Variants in DCDC1 observed in about 807,000 individuals in gnomAD.
The protein encoded by DCDC1 is doublecortin domain containing 1.
DCDC1 carries 200 observed loss-of-function variants against 178.3 expected under a neutral mutation model. The ratio of observed to expected loss-of-function variants is 1.12; its 90% confidence interval spans 1.00 to 1.26. The LOEUF (loss-of-function observed/expected upper bound fraction) is 1.26, where lower values mean the gene tolerates loss of function less well. Among genes scored for constraint, DCDC1 ranks in the 50% most tolerant of loss-of-function variants. The pLI is 0.00. For missense variants in DCDC1, 1,983 were observed against 1,749.2 expected (o/e 1.13, Z -2.38); for synonymous variants, 690 against 604.8 (o/e 1.14, Z -2.07).
intron 20 of DCDC1, among the ~76,000 whole-genome samples, chr11:31,051,100 G>C (rs544690483): frequency 1.2e-4 from 19 of 152,220 alleles, no homozygotes; most frequent in African/African-American, 4.3e-4. Flanking sequence ...GAAGTGAAGG[G>C]AGAAATATTC....
chr11:30,914,636 A>C (rs1408305150), intron 27 of DCDC1, among the ~76,000 whole-genome samples: 2 of 140,278 alleles, frequency 1.4e-5, no homozygotes, highest in African/African-American at 5.9e-5. Context: ...TGCACCCAAA[A>C]AAAAAAAAAA....
chr11:31,050,233 T>C (rs1201615293), intron 20 of DCDC1, among the ~76,000 whole-genome samples: 1 of 151,986 alleles, frequency 6.6e-6, no homozygotes, highest in African/African-American at 2.4e-5. Context: ...CTGCCCGCTT[T>C]CCTCCACTTC....
Position 30,905,011 on chromosome 11 carries a change from C to A in DCDC1, c.4258G>T (p.Gly1420Trp). The change falls in exon 31 of 39, where the codon GGG (glycine) becomes TGG (tryptophan). Residue 1420 changes from glycine to tryptophan, a missense_variant. Physicochemically the swap from Gly to Trp is radical, Grantham distance 184. Coordinates refer to ENST00000684477, the MANE Select transcript of DCDC1 (RefSeq NM_001387274.1). ...KAVKIIAYKNGDGYRNGKLIV... is the reference protein window; with the variant it reads ...KAVKIIAYKNWDGYRNGKLIV... ...AACTTCCCATTACGATACCCATCCC[C>A]ATTTTTGTATGCAATTATTTTCACT... The A allele has an allele frequency of 6.2e-7, 1 of 1,613,866 alleles. No individual in the cohort carries two copies. Among genetic ancestry groups the A allele is most frequent in the Non-Finnish European group, 8.5e-7 (1 of 1,179,786 alleles).
intron 7 of DCDC1, among the ~76,000 whole-genome samples, chr11:31,267,781 G>A (rs1271737309): frequency 6.6e-6 from 1 of 152,208 alleles, no homozygotes; most frequent in Non-Finnish European, 1.5e-5. Flanking sequence ...ATAAACTGGA[G>A]TTTGTCTGTG....
chr11:31,025,739 A>G (rs1408416986), intron 20 of DCDC1, among the ~76,000 whole-genome samples: 2 of 151,836 alleles, frequency 1.3e-5, no homozygotes, highest in Non-Finnish European at 3.0e-5. Context: ...AGGTCATAAA[A>G]ATGAAAAGTT....
intron 20 of DCDC1, among the ~76,000 whole-genome samples, chr11:30,969,630 G>C (rs1011327767): frequency 6.6e-6 from 1 of 152,154 alleles, no homozygotes; most frequent in Admixed American, 6.5e-5. Context: ...AACAGTAATT[G>C]CTTCTTTGCT....
Position 31,094,177 on chromosome 11 carries a change from G to C in DCDC1, c.1991C>G (p.Pro664Arg), listed in dbSNP as rs1023903397. 5 of 765,796 alleles carry C rather than the reference G, an allele frequency of 6.5e-6. No individual in the cohort carries two copies. The highest frequency in any genetic ancestry group is 1.2e-5 in the Non-Finnish European group (5 of 417,716). 47.4% of individuals were successfully genotyped at this position (765,796 alleles called of 1,614,324 possible). ...ENHFLQNKVD[P>R]NIVLHASVSI... ...AACAGAGGCATGAAGGACAATATTG[G>C]GATCTACCTGTATCATAAGAAGAAG... The change falls in exon 16 of 39, where the codon CCC becomes CGC. Residue 664 changes from proline to arginine, a missense_variant. Transcript: ENST00000684477.
At chr11:31,289,290 T>C (rs1032180041) in intron 7 of DCDC1, among the ~76,000 whole-genome samples, 5 of 152,150 alleles carry the variant, frequency 3.3e-5, no homozygotes, top group Non-Finnish European at 5.9e-5. Context: ...AATGACTGCA[T>C]TTTAACAGTC....
Position 31,113,361 on chromosome 11 carries a change from A to G in DCDC1, c.1486-3000T>C, listed in dbSNP as rs187229729. ...ACGTGCATGTTTGTTACATATGTATACATGTGCCATGTTGGTGTGCTGCAC... is the reference window on the plus strand; with the variant it reads ...ACGTGCATGTTTGTTACATATGTATGCATGTGCCATGTTGGTGTGCTGCAC... On this transcript the variant is annotated intron_variant, in intron 11 of 38. Coordinates refer to ENST00000684477, the MANE Select transcript of DCDC1 (RefSeq NM_001387274.1). Among the ~76,000 whole-genome samples the G allele has an allele frequency of 5.8e-4, 88 of 152,212 alleles. 1 individual carries two copies. Among genetic ancestry groups the G allele is most frequent in the African/African-American group, 1.9e-3 (79 of 41,548 alleles).
chr11:31,361,784 A>C (rs1258508142), intron 1 of DCDC1, among the ~76,000 whole-genome samples: 4 of 152,138 alleles, frequency 2.6e-5, no homozygotes, highest in Admixed American at 2.6e-4. Context: ...CCCAGCCCCT[A>C]ATCATTTAAA....
intron 11 of DCDC1, among the ~76,000 whole-genome samples, chr11:31,125,788 G>A (rs190930648): frequency 6.6e-6 from 1 of 152,120 alleles, no homozygotes; most frequent in Non-Finnish European, 1.5e-5. Context: ...GCGGTTGGGT[G>A]GGGGGTAGAG....
chr11:31,288,085 A>T (rs1027157567), intron 7 of DCDC1, among the ~76,000 whole-genome samples: 1 of 151,994 alleles, frequency 6.6e-6, no homozygotes, highest in African/African-American at 2.4e-5. Flanking sequence ...GCTATCTTGA[A>T]TAATAAAATA....
intron 9 of DCDC1, among the ~76,000 whole-genome samples, chr11:31,213,773 G>A (rs2136584405): frequency 1.3e-5 from 2 of 149,924 alleles, no homozygotes; most frequent in Non-Finnish European, 1.5e-5. Flanking sequence ...GACATGTAAA[G>A]AGGTCCATGA....
At chr11:30,869,465 C>T (rs1487962544) in intron 38 of DCDC1, among the ~76,000 whole-genome samples, 1 of 152,200 alleles carries the variant, frequency 6.6e-6, no homozygotes, top group Admixed American at 6.5e-5. Flanking sequence ...AACAAATATT[C>T]ATGAACGCCT....
chr11:30,869,581 T>A (rs1941341925), intron 38 of DCDC1, among the ~76,000 whole-genome samples: 1 of 152,070 alleles, frequency 6.6e-6, no homozygotes. Context: ...CAGTGGTAAG[T>A]CCTACAAGGG....
rs936511234 is a variant in DCDC1 at position 31,069,418 on chromosome 11, C to G, written c.2299-4265G>C. Among the ~76,000 whole-genome samples, 9 of 152,148 alleles carry G rather than the reference C, an allele frequency of 5.9e-5. No homozygotes were observed. The South Asian group carries it at 6.2e-4, about 11-fold the overall frequency. On this transcript the variant is annotated intron_variant, in intron 18 of 38. Coordinates refer to ENST00000684477, the MANE Select transcript of DCDC1 (RefSeq NM_001387274.1). ...ATGTCAGTTCTTATTGTCTTAGGTACATTCAAGACAATTCAACTGAAAAGA... is the reference window on the plus strand; with the variant it reads ...ATGTCAGTTCTTATTGTCTTAGGTAGATTCAAGACAATTCAACTGAAAAGA...
At position 30,916,944 on chromosome 11, in the gene DCDC1, A is replaced by G; in HGVS notation, c.3378T>C (p.Phe1126=). The G allele has an allele frequency of 3.1e-6, 5 of 1,610,974 alleles. No individual in the cohort carries two copies. Among genetic ancestry groups the G allele is most frequent in the Non-Finnish European group, 3.4e-6 (4 of 1,178,570 alleles). ...TCTTTGGAAGACTGTCATCCTCATC[A>G]AAGTCATGTGAAGTTTCCTGCCAGG... ...RYAWQETSHD[F]DEDDSLPKKT... Residue 1126 remains phenylalanine (F), a synonymous_variant, in exon 26 of 39, where the codon TTT becomes TTC. Transcript: ENST00000684477.
chr11:31,340,527 A>G (rs780442647), intron 1 of DCDC1, among the ~76,000 whole-genome samples: 20 of 152,216 alleles, frequency 1.3e-4, no homozygotes, highest in Non-Finnish European at 2.1e-4. Context: ...CATGGTGACC[A>G]GCTATTTGAT....
chr11:31,306,548 TAC>T (rs1948473941), intron 4 of DCDC1, among the ~76,000 whole-genome samples, 160 bp from the exon 5 acceptor site: 4 of 152,088 alleles, frequency 2.6e-5, no homozygotes, highest in Admixed American at 2.0e-4. Context: ...AGATTGTTGT[TAC>T]AGAGTAACAC....
Sources: gnomAD v4.1 joint callset for allele counts (sites outside exome capture counted in the v4.1 genomes callset) on GRCh38, gnomAD v4.1.1 for gene constraint, MANE v1.5 for transcripts, NCBI Gene and HGNC (gene_info 2026-07-23, HGNC 2026-07-21) for gene names.